Variants in VPS45 observed in about 807,000 individuals in gnomAD.
VPS45 encodes vacuolar protein sorting 45 homolog.
In VPS45, 35 loss-of-function variants were observed where a neutral mutation model predicts 75.9. The observed-to-expected ratio is 0.46, with a 90% CI of 0.35 to 0.61. The LOEUF (loss-of-function observed/expected upper bound fraction) is 0.61. Ranked by LOEUF, VPS45 falls within the 20% of genes least tolerant of loss-of-function variation. The pLI is 0.00. For missense variants in VPS45, 559 were observed against 685.9 expected, an observed-to-expected ratio of 0.81 and a Z score of 2.07; for synonymous variants, 220 against 238.2, an observed-to-expected ratio of 0.92 and a Z score of 0.70.
At chr1:150,091,683 A>G (rs1656332763) in intron 10 of VPS45, among the ~76,000 whole-genome samples, 1 of 152,242 alleles carries the variant, frequency 6.6e-6, no homozygotes, top group African/African-American at 2.4e-5. Flanking sequence ...ATTGGAAAAG[A>G]AAAGTGGAAC....
chr1:150,110,399 C>CA (rs782263413), intron 13 of VPS45, 97 bp from the exon 14 acceptor site: 735,500 of 816,788 alleles, frequency 0.9, 327,115 homozygotes, highest in African/African-American at 0.97. Context: ...CTTCCTCCAC[C>CA]AAAAAAAAAG....
chr1:150,136,003 C>A (rs906689793), intron 14 of VPS45, among the ~76,000 whole-genome samples: 1 of 150,568 alleles, frequency 6.6e-6, no homozygotes, highest in Non-Finnish European at 1.5e-5. Context: ...AATCCCAGCA[C>A]CTTGGGAGGC....
intron 14 of VPS45, among the ~76,000 whole-genome samples, chr1:150,140,386 G>GGTGTGT (rs574312693): frequency 0.053 from 7,422 of 140,320 alleles, 230 homozygotes; most frequent in African/African-American, 0.065. Flanking sequence ...CATCACTTCT[G>GGTGTGT]GTGTGTGTGT....
intron 10 of VPS45, among the ~76,000 whole-genome samples, chr1:150,084,344 G>A (rs1435690804): frequency 6.6e-6 from 1 of 152,086 alleles, no homozygotes; most frequent in East Asian, 1.9e-4. Context: ...AACCTAGTAA[G>A]GATGCTTTAG....
Position 150,109,105 on chromosome 1 carries a change from C to T in VPS45, c.1494-1391C>T, listed in dbSNP as rs368283168. On this transcript the variant is annotated intron_variant, in intron 13 of 14. Transcript: ENST00000644510. ...GGAGTATGGTGGCACGATCTTGGCT[C>T]ACTGCAACTTTCACCTCCCAGATTC... 14 of 152,198 alleles carry T rather than the reference C, an allele frequency of 9.2e-5. No individual in the cohort carries two copies. The East Asian group carries it at 1.7e-3, about 19-fold the overall frequency. The allele number at this position is 152,198 out of a possible 1,614,324, so 9.4% of individuals were successfully genotyped here. A position where few individuals can be genotyped will look rare whatever the true frequency, so the allele number is the denominator to read the frequency against.
In VPS45 at chr1:150,077,681, A is replaced by C; in HGVS notation, c.589A>C (p.Lys197Gln). The C allele has an allele frequency of 6.2e-7, 1 of 1,613,464 alleles. No homozygotes were observed. The highest frequency in any genetic ancestry group is 8.5e-7 in the Non-Finnish European group (1 of 1,179,430). The change falls in exon 7 of 15, where the codon AAA becomes CAA. Residue 197 changes from lysine (K) to glutamine (Q), a missense_variant. Physicochemically the swap from Lys to Gln is moderately conservative, Grantham distance 53. Transcript: ENST00000644510. ...CTCTCACCCACAGCAAGTGATAACTAAAGAATATGAACTGTTTGAATTCCG... is the reference window on the plus strand; with the variant it reads ...CTCTCACCCACAGCAAGTGATAACTCAAGAATATGAACTGTTTGAATTCCG... ...LAECVKQVIT[K>Q]EYELFEFRRT...
At chr1:150,084,557 C>T (rs782450466) in intron 10 of VPS45, among the ~76,000 whole-genome samples, 3 of 152,146 alleles carry the variant, frequency 2.0e-5, no homozygotes, top group Non-Finnish European at 4.4e-5. Context: ...TTTAGGACTA[C>T]GAGTCCTTTA....
chr1:150,106,907 T>C (rs1458143310), intron 13 of VPS45, among the ~76,000 whole-genome samples: 1 of 152,158 alleles, frequency 6.6e-6, no homozygotes, highest in Non-Finnish European at 1.5e-5. Context: ...TCTTGCAAAA[T>C]CACAGTAGTA....
At chr1:150,096,509 C>T (rs1003506041) in intron 13 of VPS45, among the ~76,000 whole-genome samples, 2 of 152,058 alleles carry the variant, frequency 1.3e-5, no homozygotes, top group African/African-American at 4.8e-5. Flanking sequence ...AAGAAAAGAT[C>T]AGGATTGGTA....
At position 150,074,309 on chromosome 1, in the gene VPS45, C is replaced by T. The variant is rs1655248466; in HGVS notation, c.290-1924C>T. 2.0e-5 allele frequency among the ~76,000 whole-genome samples: 3 copies of T among 152,064 alleles called. No individual in the cohort carries two copies. In the South Asian group the frequency reaches 6.2e-4, roughly 32 times the overall value. On this transcript the variant is annotated intron_variant, in intron 3 of 14. Transcript: ENST00000644510. ...AAGTACTGGGATTACAGGCATGAGC[C>T]ACCACACCTCACCTGTTGTGTGTAT...
At chr1:150,134,423 A>G (rs1313856928) in intron 14 of VPS45, among the ~76,000 whole-genome samples, 1 of 152,222 alleles carries the variant, frequency 6.6e-6, no homozygotes, top group African/African-American at 2.4e-5. Flanking sequence ...GCATAATATA[A>G]TAAATACGCT....
Position 150,098,861 on chromosome 1 carries a change from G to T in VPS45, c.1493+5213G>T, listed in dbSNP as rs587678564. 7.5e-4 allele frequency: 952 copies of T among 1,276,276 alleles called. 2 individuals carry two copies. Among genetic ancestry groups the T allele is most frequent in the Non-Finnish European group, 8.9e-4 (880 of 985,024 alleles). 79.1% of individuals were successfully genotyped at this position (1,276,276 alleles called of 1,614,324 possible). A position where few individuals can be genotyped will look rare whatever the true frequency, so the allele number is the denominator to read the frequency against. On this transcript the variant is annotated intron_variant, in intron 13 of 14. Coordinates refer to ENST00000644510, the MANE Select transcript of VPS45 (RefSeq NM_007259.5). ...TTTTCTCACTCTAGAATTGCCTCTT[G>T]TCTCTGATAAAGGCAAGCAACTTTT... is the stretch of plus-strand genomic sequence containing the variant.
rs587751907 is a variant in VPS45 at position 150,125,159 on chromosome 1, A to G, written c.1625+14532A>G. On this transcript the variant is annotated intron_variant, in intron 14 of 14. Transcript: ENST00000644510. ...TTTTTAAATTTTTAATTGACATGTA[A>G]TAATTTTACACATTTATTAGGTACA... Among the ~76,000 whole-genome samples, 837 of 150,792 alleles carry G rather than the reference A, an allele frequency of 5.6e-3. 7 individuals carry two copies. The highest frequency in any genetic ancestry group is 0.027 in the Middle Eastern group (8 of 292).
intron 14 of VPS45, among the ~76,000 whole-genome samples, chr1:150,117,312 A>G (rs989213373): frequency 1.3e-5 from 2 of 150,942 alleles, no homozygotes; most frequent in Admixed American, 6.6e-5. Context: ...ACCTGAGGTC[A>G]TGAGTTTGAG....
intron 13 of VPS45, among the ~76,000 whole-genome samples, chr1:150,094,641 C>A (rs902168005): frequency 6.6e-6 from 1 of 152,092 alleles, no homozygotes; most frequent in African/African-American, 2.4e-5. Context: ...TGTTTAAAGA[C>A]CTTGGGATCA....
intron 10 of VPS45, among the ~76,000 whole-genome samples, chr1:150,091,326 A>G (rs1656314554): frequency 6.6e-6 from 1 of 152,226 alleles, no homozygotes; most frequent in Non-Finnish European, 1.5e-5. Flanking sequence ...TCTATACTAT[A>G]TGGAAGGTCC....
chr1:150,120,081 C>T (rs1179448909), intron 14 of VPS45, among the ~76,000 whole-genome samples: 3 of 148,984 alleles, frequency 2.0e-5, no homozygotes, highest in Non-Finnish European at 4.4e-5. Context: ...GCACTCCAGC[C>T]TGGGCAACAA....
intron 13 of VPS45, among the ~76,000 whole-genome samples, chr1:150,105,395 TAGACTTGATAAGTGA>T (rs1402616972): frequency 6.6e-6 from 1 of 152,206 alleles, no homozygotes; most frequent in Non-Finnish European, 1.5e-5. Context: ...AGAAGATTCC[TAGACTTGATAAGTGA>T]TTTCATTAAA....
At chr1:150,071,476 T>C (rs587649915) in intron 2 of VPS45, among the ~76,000 whole-genome samples, 1 of 152,286 alleles carries the variant, frequency 6.6e-6, no homozygotes, top group Admixed American at 6.5e-5. Context: ...AATAGACACA[T>C]TTAATGCTCT....
Sources: gnomAD v4.1 joint callset for allele counts (sites outside exome capture counted in the v4.1 genomes callset) on GRCh38, gnomAD v4.1.1 for gene constraint, MANE v1.5 for transcripts, NCBI Gene and HGNC (gene_info 2026-07-23, HGNC 2026-07-21) for gene names.